Variants in DCHS2 observed in about 807,000 individuals in gnomAD.
DCHS2 encodes protocadherin-23.
DCHS2 carries 142 observed loss-of-function variants against 182.4 expected under a neutral mutation model. The ratio of observed to expected loss-of-function variants is 0.78; its 90% CI spans 0.68 to 0.89. The LOEUF (loss-of-function observed/expected upper bound fraction) is 0.89. Among genes scored for constraint, DCHS2 ranks in the 40% least tolerant of loss-of-function variants. The pLI, the probability that DCHS2 is intolerant of heterozygous loss-of-function variation, is 0.00. For missense variants in DCHS2, 4,319 were observed against 4,198.6 expected (o/e 1.03, Z -0.79); for synonymous variants, 1,740 against 1,663.3 (o/e 1.05, Z -1.12).
intron 1 of DCHS2, among the ~76,000 whole-genome samples, chr4:154,473,014 G>C (rs1178541500): frequency 1.3e-5 from 2 of 152,184 alleles, no homozygotes; most frequent in Non-Finnish European, 2.9e-5. Flanking sequence ...TCACCAAGAT[G>C]GGAGTGTCCA....
At chr4:154,461,056 C>G (rs1472514609) in intron 1 of DCHS2, among the ~76,000 whole-genome samples, 1 of 152,108 alleles carries the variant, frequency 6.6e-6, no homozygotes, top group Non-Finnish European at 1.5e-5. Flanking sequence ...GAATCACAAG[C>G]TTCTGACAAA....
At chr4:154,364,879 A>C (rs1489127138) in intron 3 of DCHS2, among the ~76,000 whole-genome samples, 1 of 152,154 alleles carries the variant, frequency 6.6e-6, no homozygotes, top group Non-Finnish European at 1.5e-5. Context: ...CACTGTTTGG[A>C]TCAGGTGGAA....
chr4:154,378,134 C>T (rs1210845809), intron 1 of DCHS2, among the ~76,000 whole-genome samples: 2 of 152,094 alleles, frequency 1.3e-5, no homozygotes, highest in Non-Finnish European at 2.9e-5. Context: ...CACTGACATG[C>T]CCAGAGGAAA....
chr4:154,411,303 A>G (rs1732622825), intron 1 of DCHS2, among the ~76,000 whole-genome samples: 1 of 152,196 alleles, frequency 6.6e-6, no homozygotes, highest in Non-Finnish European at 1.5e-5. Context: ...AATAAAAAGA[A>G]TAAACAAGTC....
intron 13 of DCHS2, among the ~76,000 whole-genome samples, chr4:154,289,532 C>T (rs1734555886): frequency 6.6e-6 from 1 of 151,918 alleles, no homozygotes; most frequent in African/African-American, 2.4e-5. Context: ...ACACCTATCA[C>T]ACTCAAAGTA....
rs1732293926 is a variant in DCHS2 at position 154,250,403 on chromosome 4, T to C, written c.6941+5116A>G. Among the ~76,000 whole-genome samples, 3 of 152,154 alleles carry C rather than the reference T, an allele frequency of 2.0e-5. No homozygotes were observed. In the South Asian group the frequency reaches 6.2e-4, roughly 32 times the overall value. ...CTCCCTAGGTAATTCATTTTACACA[T>C]TTTCCCTGGATGAATCTCAAATCCA... On this transcript the variant is annotated intron_variant, in intron 16 of 19. Transcript: ENST00000357232.
chr4:154,432,152 C>A (rs1160120348), intron 1 of DCHS2, among the ~76,000 whole-genome samples: 1 of 152,062 alleles, frequency 6.6e-6, no homozygotes, highest in African/African-American at 2.4e-5. Flanking sequence ...GATCATAAAA[C>A]AAATCATTTT....
At chr4:154,420,159 G>A (rs1733042336) in intron 1 of DCHS2, among the ~76,000 whole-genome samples, 1 of 151,970 alleles carries the variant, frequency 6.6e-6, no homozygotes, top group African/African-American at 2.4e-5. Flanking sequence ...GATTTGATGG[G>A]CTGGGGAGAC....
At chr4:154,481,914 A>C (rs1735936273) in intron 1 of DCHS2, among the ~76,000 whole-genome samples, 1 of 152,202 alleles carries the variant, frequency 6.6e-6, no homozygotes, top group Non-Finnish European at 1.5e-5. Context: ...AAATAATGAG[A>C]ACGAGCAAAC....
At position 154,490,833 on chromosome 4, in the gene DCHS2, C is replaced by G. The variant is rs957636598; in HGVS notation, c.523G>C (p.Asp175His). The G allele has an allele frequency of 9.0e-6, 14 of 1,551,484 alleles. No homozygotes were observed. Among genetic ancestry groups the G allele is most frequent in the East Asian group, 2.4e-5 (1 of 40,910 alleles). Reference protein sequence around the residue: ...PRFPLDSLQLDVSELSPPGTA... With the variant: ...PRFPLDSLQLHVSELSPPGTA... ...CCTGGCGGGCTGAGCTCGGAGACGT[C>G]GAGTTGCAGGGAGTCGAGGGGAAAG... The change falls in exon 1 of 20, where the codon GAC (aspartate) becomes CAC (histidine). Residue 175 changes from aspartate (D) to histidine (H), a missense_variant. By Grantham distance (81) the Asp-to-His change is moderately conservative. Coordinates refer to ENST00000357232, the MANE Select transcript of DCHS2 (RefSeq NM_001358235.2).
In DCHS2 at chr4:154,236,362, C is replaced by A; in HGVS notation, c.8290G>T (p.Asp2764Tyr). 3 of 1,613,972 alleles carry A rather than the reference C, an allele frequency of 1.9e-6. No homozygotes were observed. Among genetic ancestry groups the A allele is most frequent in the South Asian group, 1.1e-5 (1 of 91,026 alleles). ...VVFVSVLDDN[D>Y]HAPQFMFSSF... Reference sequence around the variant, plus strand: ...GAGAACATAAACTGAGGTGCATGGTCGTTATCATCCAGGACACTGACAAAC... The same window carrying A: ...GAGAACATAAACTGAGGTGCATGGTAGTTATCATCCAGGACACTGACAAAC... Residue 2764 changes from aspartate to tyrosine, a missense_variant, in exon 20 of 20, where the codon GAC becomes TAC. Coordinates refer to ENST00000357232, the MANE Select transcript of DCHS2 (RefSeq NM_001358235.2).
chr4:154,389,270 T>C (rs926298859), intron 1 of DCHS2, among the ~76,000 whole-genome samples: 4 of 152,022 alleles, frequency 2.6e-5, no homozygotes, highest in African/African-American at 9.7e-5. Flanking sequence ...TACTAGGTGG[T>C]ACAAAAACAG....
chr4:154,329,863 T>G (rs10517595), intron 5 of DCHS2, among the ~76,000 whole-genome samples, 153 bp from the exon 6 acceptor site: 96,798 of 152,110 alleles, frequency 0.64, 32,739 homozygotes, highest in East Asian at 0.75. Context: ...ATGGTACTGT[T>G]GAAAAAATTT....
intron 1 of DCHS2, among the ~76,000 whole-genome samples, chr4:154,452,487 G>A (rs1223054731): frequency 6.6e-6 from 1 of 152,018 alleles, no homozygotes; most frequent in African/African-American, 2.4e-5. Context: ...AGCCAGGTGT[G>A]GTGGCACGTG....
chr4:154,335,136 G>C (rs1278351706), intron 3 of DCHS2, 32 bp from the exon 4 acceptor site: 2 of 1,358,548 alleles, frequency 1.5e-6, no homozygotes, highest in South Asian at 2.3e-5. Context: ...TTGGTAAACA[G>C]ATAACATGTA....
chr4:154,335,096 A>C lies in DCHS2; in HGVS notation c.2485T>G (p.Tyr829Asp). Residue 829 changes from tyrosine (Y) to aspartate (D), a missense_variant, in exon 4 of 20, where the codon TAC (tyrosine) becomes GAC (aspartate). By Grantham distance (160) the Tyr-to-Asp change is radical. Coordinates refer to ENST00000357232, the MANE Select transcript of DCHS2 (RefSeq NM_001358235.2). ...FTIDSTTGIIYLTLPLSHLES... is the reference protein window; with the variant it reads ...FTIDSTTGIIDLTLPLSHLES... The stretch of plus-strand genomic sequence containing the variant: ...AAATGACTAAGAGGTAATGTTAAGT[A>C]AATAATTCCTGGGTAGGGAAAAGAA... The C allele has an allele frequency of 6.3e-7, 1 of 1,598,648 alleles. No individual in the cohort carries two copies. The highest frequency in any genetic ancestry group is 1.1e-5 in the South Asian group (1 of 90,756).
At chr4:154,266,867 C>T (rs1733300662) in intron 14 of DCHS2, among the ~76,000 whole-genome samples, 2 of 152,128 alleles carry the variant, frequency 1.3e-5, no homozygotes, top group Admixed American at 6.5e-5. Context: ...TCTTCTTTGT[C>T]TTCCCTTTCT....
rs764372189 is a variant in DCHS2, at chr4:154,237,065, C to T, written c.7587G>A (p.Leu2529=). 3.1e-6 allele frequency: 5 copies of T among 1,613,872 alleles called. No homozygotes were observed. The highest frequency in any genetic ancestry group is 1.3e-5 in the African/African-American group (1 of 75,002). ...VEASDGGNPD[L]RALTLVEIGI... is the part of the protein sequence containing the mutation. ...CTATCTCCACTAAAGTAAGAGCTCT[C>T]AGGTCAGGATTTCCACCATCACTGG... The change falls in exon 20 of 20, where the codon CTG becomes CTA. Residue 2529 remains leucine, a synonymous_variant. Transcript: ENST00000357232.
chr4:154,330,417 C>T (rs1736474485), intron 5 of DCHS2, among the ~76,000 whole-genome samples: 3 of 152,142 alleles, frequency 2.0e-5, no homozygotes, highest in African/African-American at 7.2e-5. Flanking sequence ...CTGCCTAGAG[C>T]TATACTACCT....
Sources: gnomAD v4.1 joint callset for allele counts (sites outside exome capture counted in the v4.1 genomes callset) on GRCh38, gnomAD v4.1.1 for gene constraint, MANE v1.5 for transcripts, NCBI Gene and HGNC (gene_info 2026-07-23, HGNC 2026-07-21) for gene names.